Variants in NEO1 observed in about 807,000 individuals in gnomAD.
NEO1 encodes the protein neogenin 1, also known as neogenin.
A neutral mutation model predicts 159.7 loss-of-function variants in NEO1; 63 were observed. The ratio of observed to expected loss-of-function variants is 0.39; its 90% confidence interval spans 0.32 to 0.49. The LOEUF (loss-of-function observed/expected upper bound fraction) is 0.49. NEO1 is among the 20% of genes least tolerant of loss of function. The pLI is 0.85. For missense variants in NEO1, 1,615 were observed against 1,831.0 expected (o/e 0.88, Z 2.15); for synonymous variants, 633 against 662.0 (o/e 0.96, Z 0.67).
intron 7 of NEO1, among the ~76,000 whole-genome samples, chr15:73,194,527 C>T (rs2036424448): frequency 6.6e-6 from 1 of 152,042 alleles, no homozygotes; most frequent in Admixed American, 6.6e-5. Context: ...GAGGAGGTTC[C>T]AGGCTCTTTT....
intron 1 of NEO1, among the ~76,000 whole-genome samples, chr15:73,073,910 T>G (rs923812396): frequency 6.6e-6 from 1 of 152,196 alleles, no homozygotes; most frequent in Non-Finnish European, 1.5e-5. Context: ...TTGGAGATTG[T>G]AGATTCCCAG....
At chr15:73,279,351 G>GTTTTGTTT (rs2041576909) in intron 22 of NEO1, among the ~76,000 whole-genome samples, 1 of 119,348 alleles carries the variant, frequency 8.4e-6, no homozygotes, top group African/African-American at 3.0e-5. Flanking sequence ...TTTGGTTTTG[G>GTTTTGTTT]TTTTTTTTTT....
rs74890875 is a variant in NEO1 at position 73,279,919 on chromosome 15, G to T, written c.3262+1720G>T. On this transcript the variant is annotated intron_variant, in intron 22 of 28. Coordinates refer to ENST00000261908, the MANE Select transcript of NEO1 (RefSeq NM_002499.4). ...ACTGCATAGAGAAAGGATAGAGATT[G>T]AGTTGAAAATGCAGGTTGGAATCAG... Among the ~76,000 whole-genome samples, 54 of 152,296 alleles carry T rather than the reference G, an allele frequency of 3.5e-4. No homozygotes were observed. The East Asian group carries it at 6.6e-3, about 19-fold the overall frequency.
chr15:73,283,188 G>A, intron 23 of NEO1, 77 bp downstream of exon 23: 1 of 1,461,596 alleles, frequency 6.8e-7, no homozygotes, highest in Non-Finnish European at 9.3e-7. Context: ...TATATGGAGT[G>A]GTACACAAAG....
At chr15:73,294,209 G>C (rs992772966) in intron 26 of NEO1, among the ~76,000 whole-genome samples, 3 of 152,190 alleles carry the variant, frequency 2.0e-5, no homozygotes, top group African/African-American at 7.2e-5. Context: ...TTAGGAAACC[G>C]CATTATCAAA....
chr15:73,101,505 A>G (rs557800084), intron 1 of NEO1, among the ~76,000 whole-genome samples: 18 of 152,080 alleles, frequency 1.2e-4, no homozygotes, highest in Admixed American at 4.6e-4. Flanking sequence ...GGCCTCCCCA[A>G]TCCTAATCTC....
At chr15:73,087,412 T>C (rs539636337) in intron 1 of NEO1, among the ~76,000 whole-genome samples, 2 of 152,352 alleles carry the variant, frequency 1.3e-5, no homozygotes, top group African/African-American at 4.8e-5. Flanking sequence ...TTGCTAATGC[T>C]GCATTGAAGA....
intron 26 of NEO1, 64 bp downstream of exon 26, chr15:73,293,612 G>A: frequency 6.5e-7 from 1 of 1,529,768 alleles, no homozygotes; most frequent in Non-Finnish European, 9.0e-7. Flanking sequence ...CAGAAATGGG[G>A]AAGGACTTGC....
At chr15:73,160,498 C>T (rs1367922269) in intron 5 of NEO1, among the ~76,000 whole-genome samples, 1 of 152,106 alleles carries the variant, frequency 6.6e-6, no homozygotes, top group Admixed American at 6.5e-5. Context: ...GAGCTCAGGA[C>T]CACCAGACTA....
intron 7 of NEO1, among the ~76,000 whole-genome samples, chr15:73,193,571 A>G (rs2036357521): frequency 6.7e-6 from 1 of 148,936 alleles, no homozygotes; most frequent in Admixed American, 6.8e-5. Context: ...GGTTGGTCAG[A>G]TGTATCATTT....
intron 7 of NEO1, among the ~76,000 whole-genome samples, chr15:73,189,163 CT>C (rs1567431814): frequency 6.6e-6 from 1 of 152,132 alleles, no homozygotes; most frequent in African/African-American, 2.4e-5. Flanking sequence ...AATTTTATAT[CT>C]TTGATTGTGA....
chr15:73,102,097 G>A (rs1353236802), intron 1 of NEO1, among the ~76,000 whole-genome samples: 2 of 152,066 alleles, frequency 1.3e-5, no homozygotes, highest in African/African-American at 4.8e-5. Context: ...GTCCAGGTGC[G>A]GTGATTCATG....
chr15:73,095,555 C>A (rs2069970903), intron 1 of NEO1, among the ~76,000 whole-genome samples: 1 of 152,108 alleles, frequency 6.6e-6, no homozygotes, highest in Non-Finnish European at 1.5e-5. Context: ...AATTTTATTG[C>A]CACCAGGAAC....
At chr15:73,151,388 A>G (rs933876468) in intron 5 of NEO1, among the ~76,000 whole-genome samples, 1 of 152,216 alleles carries the variant, frequency 6.6e-6, no homozygotes, top group African/African-American at 2.4e-5. Flanking sequence ...AATAAAAAAA[A>G]TTGATATAAT....
At chr15:73,256,721 T>A (rs936716507) in intron 13 of NEO1, among the ~76,000 whole-genome samples, 2 of 152,170 alleles carry the variant, frequency 1.3e-5, no homozygotes, top group African/African-American at 4.8e-5. Context: ...ATCTCTTAGC[T>A]GCAGTCCATA....
chr15:73,228,366 C>A (rs1406837462), intron 7 of NEO1, among the ~76,000 whole-genome samples: 1 of 148,018 alleles, frequency 6.8e-6, no homozygotes, highest in African/African-American at 2.5e-5. Context: ...TCTATGTTTT[C>A]TTTGATGAAA....
intron 1 of NEO1, among the ~76,000 whole-genome samples, chr15:73,074,645 T>C (rs1469072434): frequency 6.6e-6 from 1 of 152,196 alleles, no homozygotes; most frequent in African/African-American, 2.4e-5. Flanking sequence ...TATTTTCTCA[T>C]GTTTGAAGTA....
chr15:73,253,242 G>A (rs893116165), intron 11 of NEO1, among the ~76,000 whole-genome samples, 158 bp from the exon 12 acceptor site: 2 of 152,088 alleles, frequency 1.3e-5, no homozygotes, highest in Non-Finnish European at 2.9e-5. Flanking sequence ...CATCCACATA[G>A]TATTGTCAAC....
In NEO1 at chr15:73,276,984, T is replaced by G. The variant is rs536885765; in HGVS notation, c.3194-1147T>G. ...GGAACATCTACTATGTGTCAGTCAG[T>G]ATTAAAAATATTTTATGGTATTAAA... On this transcript the variant is annotated intron_variant, in intron 21 of 28. Transcript: ENST00000261908. Among the ~76,000 whole-genome samples the G allele has an allele frequency of 2.6e-5, 4 of 152,222 alleles. No individual in the cohort carries two copies. The South Asian group carries it at 8.3e-4, about 32-fold the overall frequency.
Sources: gnomAD v4.1 joint callset for allele counts (sites outside exome capture counted in the v4.1 genomes callset) on GRCh38, gnomAD v4.1.1 for gene constraint, MANE v1.5 for transcripts, NCBI Gene and HGNC (gene_info 2026-07-23, HGNC 2026-07-21) for gene names.